The following GPM6A variants were observed in gnomAD, a reference collection of about 807,000 sequenced individuals.
The protein encoded by GPM6A is neuronal membrane glycoprotein M6-a.
Under a neutral mutation model 32.1 loss-of-function variants are expected in GPM6A, and 7 were observed. That is an observed-to-expected ratio of 0.22 (90% confidence interval 0.12 to 0.41). The LOEUF (loss-of-function observed/expected upper bound fraction) is 0.41. Among genes scored for constraint, GPM6A ranks in the 10% least tolerant of loss-of-function variants. The pLI, the probability that GPM6A is intolerant of heterozygous loss-of-function variation, is 1.00. For missense variants in GPM6A, 235 were observed against 347.2 expected (o/e 0.68, Z 2.57); for synonymous variants, 130 against 123.4 (o/e 1.05, Z -0.35).
chr4:175,713,089 G>T (rs1745644645), intron 1 of GPM6A, among the ~76,000 whole-genome samples: 1 of 152,092 alleles, frequency 6.6e-6, no homozygotes, highest in East Asian at 1.9e-4. Flanking sequence ...AGATGAGTAA[G>T]GATATTTCAA....
chr4:175,819,155 A>G (rs561856980), intron 1 of GPM6A, among the ~76,000 whole-genome samples: 3 of 152,328 alleles, frequency 2.0e-5, no homozygotes, highest in African/African-American at 7.2e-5. Flanking sequence ...GTTAAAAACT[A>G]TGCAATGGGT....
chr4:175,886,420 A>G (rs1737457385), intron 1 of GPM6A, among the ~76,000 whole-genome samples: 1 of 152,178 alleles, frequency 6.6e-6, no homozygotes, highest in South Asian at 2.1e-4. Context: ...ATTGCCTTTC[A>G]AGAAAGAGTG....
At chr4:175,897,248 T>A (rs943171226) in intron 1 of GPM6A, among the ~76,000 whole-genome samples, 1 of 152,148 alleles carries the variant, frequency 6.6e-6, no homozygotes, top group East Asian at 1.9e-4. Context: ...TGGGCTTACA[T>A]TGGAAGCTAG....
intron 1 of GPM6A, among the ~76,000 whole-genome samples, chr4:175,733,769 C>T (rs1419388566): frequency 6.6e-6 from 1 of 152,130 alleles, no homozygotes; most frequent in Non-Finnish European, 1.5e-5. Context: ...TGTTTTCAAG[C>T]TTGATTGTGT....
At position 175,692,884 on chromosome 4, in the gene GPM6A, C is replaced by A. The variant is rs534368749; in HGVS notation, c.230+8691G>T. On this transcript the variant is annotated intron_variant, in intron 2 of 6. Transcript: ENST00000393658. ...TTTCATGTGTATTTATGAGTACTTA[C>A]ATGGACTTGGGTCTCTTTTTACCTT... Among the ~76,000 whole-genome samples the A allele has an allele frequency of 1.8e-4, 27 of 152,156 alleles. No individual in the cohort carries two copies. The East Asian group carries it at 2.5e-3, about 14-fold the overall frequency.
intron 1 of GPM6A, among the ~76,000 whole-genome samples, chr4:175,909,806 G>T (rs1380388380): frequency 6.6e-6 from 1 of 152,018 alleles, no homozygotes; most frequent in African/African-American, 2.4e-5. Flanking sequence ...AACAAAACAG[G>T]TTAAACAACA....
At chr4:175,785,286 T>C (rs978995376) in intron 1 of GPM6A, among the ~76,000 whole-genome samples, 2 of 152,156 alleles carry the variant, frequency 1.3e-5, no homozygotes, top group East Asian at 1.9e-4. Context: ...CCAGCATCAA[T>C]TGAGCCCTCT....
intron 1 of GPM6A, among the ~76,000 whole-genome samples, chr4:175,742,890 T>G (rs1482126656): frequency 6.6e-6 from 1 of 152,034 alleles, no homozygotes; most frequent in Admixed American, 6.6e-5. Context: ...CTCATGCCTG[T>G]AATCCCAGCA....
chr4:175,999,741 AAAAACAAAAAC>A (rs1490822554), intron 1 of GPM6A, among the ~76,000 whole-genome samples: 2 of 152,110 alleles, frequency 1.3e-5, no homozygotes, highest in Non-Finnish European at 2.9e-5. Flanking sequence ...ATACCAGGAA[AAAAACAAAAAC>A]AAAACAAAAC....
intron 1 of GPM6A, among the ~76,000 whole-genome samples, chr4:175,853,835 ATTG>A (rs972124192): frequency 4.6e-5 from 7 of 152,180 alleles, no homozygotes; most frequent in African/African-American, 1.7e-4. Context: ...AGTTCAAACA[ATTG>A]TTGTAAGCCT....
intron 1 of GPM6A, among the ~76,000 whole-genome samples, chr4:175,833,623 T>C (rs1362728838): frequency 1.3e-5 from 2 of 152,164 alleles, no homozygotes; most frequent in African/African-American, 4.8e-5. Context: ...TTAAGATATA[T>C]TATTTTCCTA....
intron 1 of GPM6A, among the ~76,000 whole-genome samples, chr4:175,716,179 A>C (rs1745831992): frequency 6.6e-6 from 1 of 152,356 alleles, no homozygotes; most frequent in South Asian, 2.1e-4. Context: ...CAGTTGAAAA[A>C]TATGTCTCAA....
At chr4:175,708,897 A>G (rs1560888400) in intron 1 of GPM6A, among the ~76,000 whole-genome samples, 1 of 152,242 alleles carries the variant, frequency 6.6e-6, no homozygotes, top group Non-Finnish European at 1.5e-5. Context: ...GAGTCTGCAT[A>G]AAGTTGTAAT....
intron 1 of GPM6A, among the ~76,000 whole-genome samples, chr4:175,881,510 A>C (rs1369636925): frequency 1.3e-5 from 2 of 152,196 alleles, no homozygotes; most frequent in South Asian, 2.1e-4. Context: ...ACCCAAAGGA[A>C]TATAAATCAT....
chr4:175,726,140 C>T (rs1746395377), intron 1 of GPM6A, among the ~76,000 whole-genome samples: 1 of 147,102 alleles, frequency 6.8e-6, no homozygotes, highest in South Asian at 2.2e-4. Context: ...CTACAGGTGC[C>T]CACCACCACG....
chr4:175,676,251 T>C (rs1185291104), intron 2 of GPM6A, among the ~76,000 whole-genome samples: 1 of 152,194 alleles, frequency 6.6e-6, no homozygotes, highest in East Asian at 1.9e-4. Context: ...ATGTCTTTTA[T>C]AGCAGCCTGA....
chr4:175,920,491 G>C (rs894471949), intron 1 of GPM6A, among the ~76,000 whole-genome samples: 3 of 152,120 alleles, frequency 2.0e-5, no homozygotes, highest in African/African-American at 7.2e-5. Context: ...ATATAATTTG[G>C]TTATTTAGTC....
intron 1 of GPM6A, among the ~76,000 whole-genome samples, chr4:175,942,776 T>A (rs1739455023): frequency 6.6e-6 from 1 of 152,238 alleles, no homozygotes; most frequent in Non-Finnish European, 1.5e-5. Context: ...TTTTGGTTAC[T>A]GTAGCCTTGT....
At chr4:175,644,064 G>A (rs549092914) in intron 4 of GPM6A, among the ~76,000 whole-genome samples, 9 of 150,862 alleles carry the variant, frequency 6.0e-5, no homozygotes, top group East Asian at 3.9e-4. Flanking sequence ...CAAGTCTCCC[G>A]CTTGGCCCTT....
Sources: allele counts gnomAD v4.1 joint callset (sites outside exome capture counted in the v4.1 genomes callset), GRCh38; gene constraint gnomAD v4.1.1; transcripts MANE v1.5; gene names NCBI Gene and HGNC (gene_info 2026-07-23, HGNC 2026-07-21).